The following TEKT4 variants were observed in gnomAD, a reference collection of about 807,000 sequenced individuals.
The protein encoded by TEKT4 is tektin 4.
TEKT4 carries 46 observed loss-of-function variants against 46.0 expected under a neutral mutation model. That is an observed-to-expected ratio of 1.00 (90% CI 0.79 to 1.28). The LOEUF (loss-of-function observed/expected upper bound fraction) is 1.28. TEKT4 is among the 50% of genes most tolerant of loss of function. The pLI is 0.00. For missense variants in TEKT4, 790 were observed against 622.9 expected, an observed-to-expected ratio of 1.27 and a Z score of -2.85; for synonymous variants, 325 against 265.8, an observed-to-expected ratio of 1.22 and a Z score of -2.17.
chr2:94,874,869 G>A lies in TEKT4; in HGVS notation c.807G>A (p.Leu269=), dbSNP rs111598357. The A allele has an allele frequency of 6.2e-7, 1 of 1,609,694 alleles. No homozygotes were observed. Among genetic ancestry groups the A allele is most frequent in the East Asian group, 2.2e-5 (1 of 44,722 alleles). ...ERLASANLRV[L]VDCILRDTSE... is the part of the protein sequence containing the mutation. ...TGGCCTCGGCCAACCTGCGGGTGCTGGTGGACTGCATCCTTCGCGACACCT... is the reference window on the plus strand; with the variant it reads ...TGGCCTCGGCCAACCTGCGGGTGCTAGTGGACTGCATCCTTCGCGACACCT... The change falls in exon 4 of 6, where the codon CTG becomes CTA. Residue 269 remains leucine, a synonymous_variant. Transcript: ENST00000295201.
Position 94,872,742 on chromosome 2 carries a change from C to T in TEKT4, c.498+665C>T, listed in dbSNP as rs547544889. On this transcript the variant is annotated intron_variant, in intron 1 of 5. Coordinates refer to ENST00000295201, the MANE Select transcript of TEKT4 (RefSeq NM_144705.4). ...GGGGCAGCTGGTCTCCTGCCATACC[C>T]CAAGCTCAGGCAAGAACCCTTGAGT... 6 of 1,157,368 alleles carry T rather than the reference C, an allele frequency of 5.2e-6. No homozygotes were observed. In the Admixed American group the frequency reaches 1.2e-4, roughly 23 times the overall value. The allele number at this position is 1,157,368 out of a possible 1,614,324, so 71.7% of individuals were successfully genotyped here.
intron 4 of TEKT4, 56 bp downstream of exon 4, chr2:94,875,054 C>T (rs782062733): frequency 4.7e-6 from 7 of 1,491,558 alleles, no homozygotes; most frequent in Non-Finnish European, 5.4e-6. Flanking sequence ...CCTGGGCCCT[C>T]AACACCTTTC....
At chr2:94,872,991 G>A in intron 1 of TEKT4, 6 of 1,289,456 alleles carry the variant, frequency 4.7e-6, no homozygotes, top group Non-Finnish European at 6.1e-6. Flanking sequence ...AGTACCCAGT[G>A]GTTGAGGCAA....
chr2:94,872,183 G>A lies in TEKT4; in HGVS notation c.498+106G>A. On this transcript the variant is annotated intron_variant, in intron 1 of 5. Transcript: ENST00000295201. ...ACGTGGCTGCTGCAAGCACGCGGGA[G>A]CCCAGCCCTCTGCACGTGAGACCCC... is the stretch of plus-strand genomic sequence containing the variant. 2.1e-6 allele frequency: 3 copies of A among 1,399,402 alleles called. 1 individual carries two copies. The South Asian group carries it at 4.4e-5, about 21-fold the overall frequency. 86.7% of individuals were successfully genotyped at this position (1,399,402 alleles called of 1,614,324 possible).
chr2:94,875,212 G>A (rs1553396041), intron 4 of TEKT4, among the ~76,000 whole-genome samples: 1 of 152,190 alleles, frequency 6.6e-6, no homozygotes, highest in African/African-American at 2.4e-5. Flanking sequence ...ATGGAGGCAG[G>A]AGGTGGTCTG....
chr2:94,873,932 C>G (rs782281319), intron 2 of TEKT4, 33 bp from the exon 3 acceptor site: 2 of 1,611,962 alleles, frequency 1.2e-6, no homozygotes, highest in Admixed American at 3.3e-5. Flanking sequence ...CCTCCCTGGG[C>G]ACACATCAAG....
chr2:94,874,191 A>C (rs199961840), intron 3 of TEKT4, 83 bp downstream of exon 3: 1 of 1,512,526 alleles, frequency 6.6e-7, no homozygotes, highest in Non-Finnish European at 9.0e-7. Flanking sequence ...CGCTGCTTTC[A>C]CCAGCCTGGC....
chr2:94,874,793 C>A lies in TEKT4; in HGVS notation c.731C>A (p.Thr244Asn), dbSNP rs1553395820. ...CCCCGCAGCGCCTCCACCCCGGAGA[C>A]CCGGGCCAAGTTCACGCAGGACAAT... ...TFQESASTPETRAKFTQDNLC... is the reference protein window; with the variant it reads ...TFQESASTPENRAKFTQDNLC... Residue 244 changes from threonine (T) to asparagine (N), a missense_variant, in exon 4 of 6, where the codon ACC (threonine) becomes AAC (asparagine). By Grantham distance (65) the Thr-to-Asn change is moderately conservative. Coordinates refer to ENST00000295201, the MANE Select transcript of TEKT4 (RefSeq NM_144705.4). 6.3e-7 allele frequency: 1 copy of A among 1,588,666 alleles called. No individual in the cohort carries two copies.
chr2:94,875,602 C>T lies in TEKT4; in HGVS notation c.951C>T (p.Ile317=), dbSNP rs1341351078. 1.2e-6 allele frequency: 2 copies of T among 1,614,030 alleles called. No homozygotes were observed. The highest frequency in any genetic ancestry group is 2.7e-5 in the African/African-American group (2 of 74,940). ...HHHLHKTLRE[I]TDQEHNVAAL... is the part of the protein sequence containing the mutation. Reference sequence around the variant, plus strand: ...CCTGTCTGCAGACACTGCGGGAAATCACAGATCAGGAACACAACGTGGCGG... The same window carrying T: ...CCTGTCTGCAGACACTGCGGGAAATTACAGATCAGGAACACAACGTGGCGG... Residue 317 remains isoleucine (I), a synonymous_variant, in exon 5 of 6, where the codon ATC becomes ATT. Coordinates refer to ENST00000295201, the MANE Select transcript of TEKT4 (RefSeq NM_144705.4).
chr2:94,873,589 C>T lies in TEKT4; in HGVS notation c.568C>T (p.Arg190Ter), dbSNP rs79674061. The change falls in exon 2 of 6, where the codon CGA becomes TGA. Residue 190 changes from arginine (R) to a stop codon, truncating the protein, a stop_gained and splice_region_variant. Transcript: ENST00000295201. LOFTEE classifies it high-confidence loss of function. ...RTIMQAVSQI[R>*]LNREHKETCE... ...CATCATGCAAGCAGTGAGCCAGATC[C>T]GGTGGGTAGAGGGCTGCCCAAGGGA... The T allele has an allele frequency of 2.0e-5, 32 of 1,613,518 alleles. No individual in the cohort carries two copies. The highest frequency in any genetic ancestry group is 3.5e-4 in the Middle Eastern group (2 of 5,656).
intron 3 of TEKT4, 100 bp from the exon 4 acceptor site, chr2:94,874,676 C>A: frequency 8.9e-7 from 1 of 1,121,646 alleles, no homozygotes; most frequent in Non-Finnish European, 1.2e-6. Context: ...TGCACGTCCT[C>A]CAGGAGCATG....
rs11483811 is a variant in TEKT4, at chr2:94,872,126, G to GCCC, written c.498+58_498+60dup. On this transcript the variant is annotated intron_variant, in intron 1 of 5. Transcript: ENST00000295201. ...GGATTTGTGGGCGCAGAGAGGAGGAGCCCCCCCCCCCGCAGTTCATGTGGA... is the reference window on the plus strand; with the variant it reads ...GGATTTGTGGGCGCAGAGAGGAGGAGCCCCCCCCCCCCCCGCAGTTCATGTGGA... The GCCC allele has an allele frequency of 2.8e-3, 3,804 of 1,345,552 alleles. 16 individuals carry two copies. The highest frequency in any genetic ancestry group is 8.6e-3 in the African/African-American group (541 of 62,998). 83.4% of individuals were successfully genotyped at this position (1,345,552 alleles called of 1,614,324 possible).
At chr2:94,876,194 G>T (rs1293292588) in intron 5 of TEKT4, among the ~76,000 whole-genome samples, 1 of 152,298 alleles carries the variant, frequency 6.6e-6, no homozygotes, top group South Asian at 2.1e-4. Context: ...GATGCCCGGT[G>T]GCCCCTTCTA....
At position 94,872,265 on chromosome 2, in the gene TEKT4, C is replaced by G; in HGVS notation, c.498+188C>G. The G allele has an allele frequency of 7.2e-6, 5 of 697,438 alleles. No individual in the cohort carries two copies. In the South Asian group the frequency reaches 9.7e-5, roughly 13 times the overall value. 43.2% of individuals were successfully genotyped at this position (697,438 alleles called of 1,614,324 possible). On this transcript the variant is annotated intron_variant, in intron 1 of 5. Transcript: ENST00000295201. Reference sequence around the variant, plus strand: ...GAGGCAGCTTTGCCCCAGAAGACCCCTGACTTCCAAGCAGCTGTTTCTCCT... The same window carrying G: ...GAGGCAGCTTTGCCCCAGAAGACCCGTGACTTCCAAGCAGCTGTTTCTCCT...
At chr2:94,875,126 G>C (rs558351357) in intron 4 of TEKT4, 128 bp downstream of exon 4, 1 of 1,001,542 alleles carries the variant, frequency 1.0e-6, no homozygotes, top group African/African-American at 1.6e-5. Flanking sequence ...GTAAACCTAT[G>C]TAAAACCAGG....
rs782475279 is a variant in TEKT4, at chr2:94,876,556, G to GT, written c.1097dup (p.Leu366PhefsTer3). The stretch of plus-strand genomic sequence containing the variant: ...CACACCCCCCCAACACCCCCAGGCT[G>GT]TTGAGTGAGGTGGAGGAGCTGAACA... On this transcript the variant is annotated frameshift_variant, in exon 6 of 6. Coordinates refer to ENST00000295201, the MANE Select transcript of TEKT4 (RefSeq NM_144705.4). LOFTEE classifies it high-confidence loss of function. 1.2e-6 allele frequency: 2 copies of GT among 1,605,270 alleles called. No individual in the cohort carries two copies. Among genetic ancestry groups the GT allele is most frequent in the African/African-American group, 1.3e-5 (1 of 74,734 alleles).
chr2:94,871,876 C>T lies in TEKT4; in HGVS notation c.297C>T (p.His99=), dbSNP rs566487874. ...RTVGERLQDT[H]SWKSELQREM... ...TGGGCGAGCGACTGCAGGACACGCA[C>T]AGCTGGAAGTCGGAGCTGCAGCGTG... Residue 99 remains histidine (H), a synonymous_variant, in exon 1 of 6, where the codon CAC becomes CAT. Transcript: ENST00000295201. 3.7e-6 allele frequency: 6 copies of T among 1,600,184 alleles called. No homozygotes were observed. The African/African-American group carries it at 6.7e-5, about 18-fold the overall frequency.
Position 94,871,686 on chromosome 2 carries a change from C to A in TEKT4, c.107C>A (p.Thr36Asn), listed in dbSNP as rs782580028. ...SSGLATASFR[T>N]SKYLLEEWFQ... ...GGCCTGGCCACCGCCAGCTTCCGCA[C>A]CTCCAAGTACCTGCTGGAGGAGTGG... Residue 36 changes from threonine to asparagine, a missense_variant, in exon 1 of 6, where the codon ACC becomes AAC. Thr to Asn is a moderately conservative substitution (Grantham distance 65). Transcript: ENST00000295201. The A allele has an allele frequency of 4.3e-6, 7 of 1,612,486 alleles. No homozygotes were observed. The African/African-American group carries it at 5.3e-5, about 12-fold the overall frequency.
Position 94,874,960 on chromosome 2 carries a change from G to C in TEKT4, c.898G>C (p.Glu300Gln). The C allele has an allele frequency of 6.2e-7, 1 of 1,610,606 alleles. No homozygotes were observed. Among genetic ancestry groups the C allele is most frequent in the South Asian group, 1.1e-5 (1 of 90,430 alleles). ...CTTCGGGCGCCGCTGTGAGGAGCTG[G>C]AGGACGCGCGGTACAAGCTGCATCA... ...LAFGRRCEEL[E>Q]DARYKLHHHL... The change falls in exon 4 of 6, where the codon GAG becomes CAG. Residue 300 changes from glutamate (E) to glutamine (Q), a missense_variant. Coordinates refer to ENST00000295201, the MANE Select transcript of TEKT4 (RefSeq NM_144705.4).
Sources: gnomAD v4.1 joint callset for allele counts (sites outside exome capture counted in the v4.1 genomes callset) on GRCh38, gnomAD v4.1.1 for gene constraint, MANE v1.5 for transcripts, NCBI Gene and HGNC (gene_info 2026-07-23, HGNC 2026-07-21) for gene names.